NUP153: variants seen among roughly 807,000 people sequenced by gnomAD.
NUP153 encodes nuclear pore complex protein Nup153.
In NUP153, 27 loss-of-function variants were observed where a neutral mutation model predicts 134.6. That is an observed-to-expected ratio of 0.20 (90% confidence interval 0.15 to 0.28). The LOEUF (loss-of-function observed/expected upper bound fraction) is 0.28. Among genes scored for constraint, NUP153 ranks in the 10% least tolerant of loss-of-function variants. NUP153 has a pLI of 1.00. For missense variants in NUP153, 1,821 were observed against 1,731.3 expected, an observed-to-expected ratio of 1.05 and a Z score of -0.92; for synonymous variants, 640 against 623.5, an observed-to-expected ratio of 1.03 and a Z score of -0.40.
intron 5 of NUP153, among the ~76,000 whole-genome samples, chr6:17,671,058 C>T (rs976656056): frequency 7.9e-5 from 12 of 151,922 alleles, no homozygotes; most frequent in African/African-American, 2.4e-5. Flanking sequence ...TGATCTAAGG[C>T]CTTCCAAAGT....
chr6:17,667,831 AT>A (rs918464629), intron 8 of NUP153, among the ~76,000 whole-genome samples: 3 of 152,140 alleles, frequency 2.0e-5, no homozygotes, highest in African/African-American at 4.8e-5. Context: ...CAAACATTGT[AT>A]TTTTTTCCCA....
At chr6:17,640,391 C>G (rs1303800759) in intron 14 of NUP153, among the ~76,000 whole-genome samples, 2 of 152,182 alleles carry the variant, frequency 1.3e-5, no homozygotes, top group Admixed American at 1.3e-4. Context: ...CAAGCCCATC[C>G]ACTGCATGAA....
Position 17,626,017 on chromosome 6 carries a change from G to A in NUP153, c.3692C>T (p.Ser1231Phe), listed in dbSNP as rs765799357. ...GGCAGAGCTGCTCACAGGATTGCTG[G>A]ACTGTCCAAACACAAAGGTAGCCAC... ...PPVATFVFGQ[S>F]SNPVSSSAFG... Residue 1231 changes from serine to phenylalanine, a missense_variant, in exon 19 of 22, where the codon TCC (serine) becomes TTC (phenylalanine). By Grantham distance (155) the Ser-to-Phe change is radical (BLOSUM62 -2). Transcript: ENST00000262077. 1.2e-6 allele frequency: 2 copies of A among 1,614,200 alleles called. No individual in the cohort carries two copies. Among genetic ancestry groups the A allele is most frequent in the South Asian group, 2.2e-5 (2 of 91,084 alleles).
intron 20 of NUP153, among the ~76,000 whole-genome samples, chr6:17,622,461 T>C (rs939208381): frequency 5.9e-5 from 9 of 152,140 alleles, no homozygotes. Context: ...TGAGACCCTG[T>C]CTCAAAAAAT....
chr6:17,675,594 C>G lies in NUP153; in HGVS notation c.511G>C (p.Asp171His), dbSNP rs761337001. 1.2e-5 allele frequency: 20 copies of G among 1,613,958 alleles called. No individual in the cohort carries two copies. Among genetic ancestry groups the G allele is most frequent in the Admixed American group, 1.7e-5 (1 of 59,992 alleles). Residue 171 changes from aspartate (D) to histidine (H), a missense_variant, in exon 3 of 22, where the codon GAT (aspartate) becomes CAT (histidine). Coordinates refer to ENST00000262077, the MANE Select transcript of NUP153 (RefSeq NM_005124.4). This position sits in a 1 kb window ranked among gnomAD's most constrained non-coding sequence, Gnocchi z 4.4. ...SGFSLVKEIKDSTSQHDDDNI... is the reference protein window; with the variant it reads ...SGFSLVKEIKHSTSQHDDDNI... Reference sequence around the variant, plus strand: ...TCATCATCATGCTGAGAGGTAGAATCTTTAATTTCCTTTACAAGGGAAAAT... The same window carrying G: ...TCATCATCATGCTGAGAGGTAGAATGTTTAATTTCCTTTACAAGGGAAAAT...
chr6:17,656,993 G>A (rs985664623), intron 11 of NUP153, among the ~76,000 whole-genome samples: 74 of 152,292 alleles, frequency 4.9e-4, no homozygotes, highest in African/African-American at 1.7e-3. Flanking sequence ...GCTTTAGCAA[G>A]CTGTTTCTTA....
intron 18 of NUP153, 82 bp from the exon 19 acceptor site, chr6:17,626,246 G>T: frequency 9.9e-7 from 1 of 1,007,196 alleles, no homozygotes; most frequent in Non-Finnish European, 1.5e-6. Context: ...ACAATTGCTA[G>T]AATTTTCCTA....
At position 17,703,655 on chromosome 6, in the gene NUP153, T is replaced by TA. The variant is rs57394467; in HGVS notation, c.111+2621dup. On this transcript the variant is annotated intron_variant, in intron 1 of 21. Coordinates refer to ENST00000262077, the MANE Select transcript of NUP153 (RefSeq NM_005124.4). The stretch of plus-strand genomic sequence containing the variant: ...TAAAGAAAGTCCTTATTTTTAAGAT[T>TA]AAAAAAAAAAAAAAGGAGAGTATTC... Among the ~76,000 whole-genome samples the TA allele has an allele frequency of 0.024, 3,465 of 142,068 alleles. 226 individuals carry two copies. In the East Asian group the frequency reaches 0.29, roughly 12 times the overall value. 93.2% of individuals were successfully genotyped at this position (142,068 alleles called of 152,430 possible).
In NUP153 at chr6:17,637,703, T is replaced by C; in HGVS notation, c.1914A>G (p.Thr638=). 6.2e-7 allele frequency: 1 copy of C among 1,610,036 alleles called. No individual in the cohort carries two copies. Among genetic ancestry groups the C allele is most frequent in the Non-Finnish European group, 8.5e-7 (1 of 1,180,008 alleles). ...AAGAAAAGCTACTTATTGCTGGTCT[T>C]GTATAAACTACTGGGCTTGTTGCGG... is the stretch of plus-strand genomic sequence containing the variant. ...QPTATSPVVY[T]RPAISSFSSS... The change falls in exon 16 of 22, where the codon ACA becomes ACG. Residue 638 remains threonine (T), a synonymous_variant. Coordinates refer to ENST00000262077, the MANE Select transcript of NUP153 (RefSeq NM_005124.4).
At chr6:17,620,404 T>G (rs1369594861) in intron 20 of NUP153, among the ~76,000 whole-genome samples, 1 of 152,210 alleles carries the variant, frequency 6.6e-6, no homozygotes, top group Non-Finnish European at 1.5e-5. Context: ...AAGGATACTC[T>G]CTTCAGTAAA....
In NUP153 at chr6:17,638,701, A is replaced by G. The variant is rs976838621; in HGVS notation, c.1847-931T>C. Among the ~76,000 whole-genome samples the G allele has an allele frequency of 4.6e-5, 7 of 152,202 alleles. No individual in the cohort carries two copies. The highest frequency in any genetic ancestry group is 1.0e-4 in the Non-Finnish European group (7 of 68,038). ...TGAAGATTCTCCCCAAACATTTCCT[A>G]TTTAAGAAGTAAAAAGGGAGCAGGG... On this transcript the variant is annotated intron_variant, in intron 15 of 21. Coordinates refer to ENST00000262077, the MANE Select transcript of NUP153 (RefSeq NM_005124.4). The surrounding 1 kb of genome is among the most constrained non-coding windows in gnomAD (Gnocchi z 4.0).
At chr6:17,631,584 A>G (rs1253515571) in intron 17 of NUP153, among the ~76,000 whole-genome samples, 2 of 152,226 alleles carry the variant, frequency 1.3e-5, no homozygotes, top group East Asian at 3.8e-4. Flanking sequence ...ATAAGTAAGA[A>G]GATGAAATAT....
At chr6:17,682,700 C>G (rs1430291341) in intron 2 of NUP153, among the ~76,000 whole-genome samples, 1 of 152,052 alleles carries the variant, frequency 6.6e-6, no homozygotes, top group Non-Finnish European at 1.5e-5. Flanking sequence ...GTGCAGATCA[C>G]TAGGTCAGGA....
intron 21 of NUP153, 108 bp from the exon 22 acceptor site, chr6:17,616,289 G>GGGGGGGGGGGGGGT: frequency 2.1e-6 from 1 of 467,364 alleles, no homozygotes; most frequent in Non-Finnish European, 3.9e-6. Flanking sequence ...GGGTGGGGGG[G>GGGGGGGGGGGGGGT]GAGTAGACTC....
chr6:17,660,597 T>C (rs1767118460), intron 11 of NUP153, among the ~76,000 whole-genome samples: 1 of 150,474 alleles, frequency 6.6e-6, no homozygotes, highest in Non-Finnish European at 1.5e-5. Flanking sequence ...TAAGAAATTA[T>C]ATATATATCC....
At chr6:17,701,234 A>G (rs915743777) in intron 1 of NUP153, among the ~76,000 whole-genome samples, 1 of 151,536 alleles carries the variant, frequency 6.6e-6, no homozygotes, top group African/African-American at 2.4e-5. Context: ...TAAAAAAAAA[A>G]AAAAAGCTAA....
chr6:17,649,706 GACT>G (rs1463229322), intron 11 of NUP153, among the ~76,000 whole-genome samples: 7 of 152,146 alleles, frequency 4.6e-5, no homozygotes, highest in Non-Finnish European at 1.0e-4. Context: ...GAGAGAAAGA[GACT>G]ACATTCATAT....
intron 1 of NUP153, among the ~76,000 whole-genome samples, chr6:17,696,763 A>G (rs757002414): frequency 2.0e-5 from 3 of 150,196 alleles, no homozygotes; most frequent in Non-Finnish European, 4.4e-5. Flanking sequence ...TCAAAAAAAT[A>G]AAACAAATAA....
intron 17 of NUP153, among the ~76,000 whole-genome samples, chr6:17,632,319 AC>A (rs1226577243): frequency 8.5e-5 from 12 of 140,736 alleles, no homozygotes; most frequent in South Asian, 2.1e-4. Flanking sequence ...AAACAAACAA[AC>A]AAAAAAACAA....
Sources: allele counts gnomAD v4.1 joint callset (sites outside exome capture counted in the v4.1 genomes callset), GRCh38; gene constraint gnomAD v4.1.1; non-coding constraint Gnocchi (gnomAD v3.1); transcripts MANE v1.5; gene names NCBI Gene and HGNC (gene_info 2026-07-23, HGNC 2026-07-21).